Variants in SPART observed in about 807,000 individuals in gnomAD.
SPART encodes the protein spastic paraplegia 20 (Troyer syndrome).
A neutral mutation model predicts 58.7 loss-of-function variants in SPART; 35 were observed. The observed-to-expected ratio is 0.60, with a 90% CI of 0.46 to 0.79. The LOEUF is 0.79. Among genes scored for constraint, SPART ranks in the 30% least tolerant of loss-of-function variants. SPART has a pLI of 0.00. For missense variants in SPART, 730 were observed against 786.1 expected (o/e 0.93, Z 0.85); for synonymous variants, 284 against 280.7 (o/e 1.01, Z -0.12).
chr13:36,319,026 G>C (rs1326589422), intron 5 of SPART, among the ~76,000 whole-genome samples: 1 of 151,960 alleles, frequency 6.6e-6, no homozygotes, highest in Non-Finnish European at 1.5e-5. Flanking sequence ...CAATACGGAG[G>C]CTACCCACTC....
At chr13:36,317,384 A>G (rs1248467198) in intron 5 of SPART, among the ~76,000 whole-genome samples, 1 of 151,686 alleles carries the variant, frequency 6.6e-6, no homozygotes, top group Non-Finnish European at 1.5e-5. Context: ...CAAGTACCCC[A>G]ACCTCGTATC....
chr13:36,369,154 T>G (rs913276940), intron 1 of SPART, among the ~76,000 whole-genome samples: 1 of 152,210 alleles, frequency 6.6e-6, no homozygotes, highest in Non-Finnish European at 1.5e-5. Flanking sequence ...TTTCACTTTT[T>G]ATAAAACTTT....
chr13:36,312,172 G>C lies in SPART; in HGVS notation c.1706C>G (p.Ala569Gly). The change falls in exon 8 of 9, where the codon GCA becomes GGA. Residue 569 changes from alanine (A) to glycine (G), a missense_variant. By Grantham distance (60) the Ala-to-Gly change is moderately conservative. Transcript: ENST00000438666. ...AAKCIVNNVS[A>G]ETVQTVRYKY... ...GTATCTGACAGTTTGTACAGTTTCTGCTGAAACATTGTTAACGATGCATTT... is the reference window on the plus strand; with the variant it reads ...GTATCTGACAGTTTGTACAGTTTCTCCTGAAACATTGTTAACGATGCATTT... 1 of 1,613,960 alleles carries C rather than the reference G, an allele frequency of 6.2e-7. No individual in the cohort carries two copies. The highest frequency in any genetic ancestry group is 8.5e-7 in the Non-Finnish European group (1 of 1,179,836).
Position 36,302,155 on chromosome 13 carries a change from T to C in SPART, c.*2210A>G, listed in dbSNP as rs1880048111. On this transcript the variant is annotated 3_prime_UTR_variant, in exon 9 of 9. Coordinates refer to ENST00000438666, the MANE Select transcript of SPART (RefSeq NM_015087.5). Reference sequence around the variant, plus strand: ...ATAGGAAGAACATACATATAGGTAATTGGCAGCTTTCCATGTCTTTAGGTG... The same window carrying C: ...ATAGGAAGAACATACATATAGGTAACTGGCAGCTTTCCATGTCTTTAGGTG... 6.6e-6 allele frequency: 1 copy of C among 152,150 alleles called. No homozygotes were observed. The highest frequency in any genetic ancestry group is 1.5e-5 in the Non-Finnish European group (1 of 68,026). 9.4% of individuals were successfully genotyped at this position (152,150 alleles called of 1,614,324 possible).
chr13:36,331,354 G>A, intron 3 of SPART, 45 bp downstream of exon 3: 1 of 1,548,204 alleles, frequency 6.5e-7, no homozygotes, highest in Non-Finnish European at 8.9e-7. Context: ...AAGTGCTTAT[G>A]TTAAAGTAGA....
intron 6 of SPART, chr13:36,313,916 A>G (rs1047116124): frequency 2.9e-5 from 11 of 381,880 alleles, no homozygotes; most frequent in Non-Finnish European, 4.3e-5. Context: ...CCAACACATC[A>G]GAACAACCCT....
intron 1 of SPART, among the ~76,000 whole-genome samples, chr13:36,359,458 C>G (rs906426115): frequency 1.3e-5 from 2 of 152,164 alleles, no homozygotes; most frequent in Non-Finnish European, 2.9e-5. Flanking sequence ...ATGGCCTCTT[C>G]AGGTTAGCTG....
At chr13:36,336,949 G>GA (rs1191410098) in intron 1 of SPART, among the ~76,000 whole-genome samples, 1 of 152,132 alleles carries the variant, frequency 6.6e-6, no homozygotes, top group African/African-American at 2.4e-5. Context: ...AATTAAATGG[G>GA]AAAAACTGGT....
intron 2 of SPART, among the ~76,000 whole-genome samples, chr13:36,333,990 G>A (rs1393176601): frequency 6.6e-6 from 1 of 152,100 alleles, no homozygotes; most frequent in African/African-American, 2.4e-5. Flanking sequence ...CTTTCAAGTT[G>A]ACTTCATATA....
chr13:36,312,427 G>A lies in SPART; in HGVS notation c.1534C>T (p.His512Tyr), dbSNP rs767206599. 1 of 1,613,948 alleles carries A rather than the reference G, an allele frequency of 6.2e-7. No homozygotes were observed. Among genetic ancestry groups the A allele is most frequent in the African/African-American group, 1.3e-5 (1 of 74,886 alleles). Reference protein sequence around the residue: ...ANCVGKELAPHVKKHGSKLVP... With the variant: ...ANCVGKELAPYVKKHGSKLVP... ...AGTTTGCTTCCATGCTTCTTGACAT[G>A]TGGAGCTAGTTCTTTTCCAACGCAA... is the stretch of plus-strand genomic sequence containing the variant. Residue 512 changes from histidine (H) to tyrosine (Y), a missense_variant, in exon 7 of 9, where the codon CAT becomes TAT. Physicochemically the swap from His to Tyr is moderately conservative, Grantham distance 83. Transcript: ENST00000438666.
At chr13:36,343,997 C>T (rs1362421654) in intron 1 of SPART, among the ~76,000 whole-genome samples, 17 of 150,076 alleles carry the variant, frequency 1.1e-4, no homozygotes, top group Non-Finnish European at 2.4e-4. Flanking sequence ...CCACTGCACT[C>T]CAACCAGCCT....
chr13:36,351,700 T>A (rs1269882208), intron 1 of SPART, among the ~76,000 whole-genome samples: 1 of 152,214 alleles, frequency 6.6e-6, no homozygotes, highest in Non-Finnish European at 1.5e-5. Context: ...CCTGGGTGAT[T>A]ATGCTAAAGA....
chr13:36,345,243 G>A (rs1884971362), intron 1 of SPART, among the ~76,000 whole-genome samples: 1 of 152,098 alleles, frequency 6.6e-6, no homozygotes, highest in Admixed American at 6.5e-5. Context: ...CATAGACAAC[G>A]ACGTTTCAGA....
intron 1 of SPART, among the ~76,000 whole-genome samples, chr13:36,361,422 G>A (rs920776501): frequency 6.6e-6 from 1 of 151,974 alleles, no homozygotes; most frequent in Non-Finnish European, 1.5e-5. Flanking sequence ...TGTTGTTTTT[G>A]AGACAGAGTT....
Position 36,334,983 on chromosome 13 carries a change from C to T in SPART, c.810+38G>A, listed in dbSNP as rs757327086. ...ACAAATAAAAATGATGTAGTCTACA[C>T]GTATTTCAAATTATGCTTTCATTTT... is the stretch of plus-strand genomic sequence containing the variant. On this transcript the variant is annotated intron_variant, in intron 2 of 8. Transcript: ENST00000438666. 5.5e-5 allele frequency: 83 copies of T among 1,509,496 alleles called. No homozygotes were observed. The Middle Eastern group carries it at 6.8e-4, about 12-fold the overall frequency. 93.5% of individuals were successfully genotyped at this position (1,509,496 alleles called of 1,614,324 possible). A position where few individuals can be genotyped will look rare whatever the true frequency, so the allele number is the denominator to read the frequency against.
chr13:36,321,484 G>A (rs1288122379), intron 5 of SPART, among the ~76,000 whole-genome samples: 3 of 151,920 alleles, frequency 2.0e-5, no homozygotes, highest in African/African-American at 4.8e-5. Flanking sequence ...ATCCAAAACC[G>A]TATCTAGGCC....
chr13:36,321,987 C>T lies in SPART; in HGVS notation c.1288+4588G>A, dbSNP rs962536951. Reference sequence around the variant, plus strand: ...AAAAGCACCCCCACTGAGCACCTTGCGACCCCCACTCCTGCCCGCCAGAGA... The same window carrying T: ...AAAAGCACCCCCACTGAGCACCTTGTGACCCCCACTCCTGCCCGCCAGAGA... On this transcript the variant is annotated intron_variant, in intron 5 of 8. Coordinates refer to ENST00000438666, the MANE Select transcript of SPART (RefSeq NM_015087.5). Among the ~76,000 whole-genome samples, 420 of 151,836 alleles carry T rather than the reference C, an allele frequency of 2.8e-3. 3 individuals are homozygous for T. Among genetic ancestry groups the T allele is most frequent in the African/African-American group, 9.3e-3 (385 of 41,314 alleles).
intron 1 of SPART, chr13:36,360,809 G>A (rs536668641): frequency 4.6e-5 from 7 of 152,592 alleles, no homozygotes; most frequent in African/African-American, 1.7e-4. Context: ...TATTTATATT[G>A]CTATGTTAGA....
chr13:36,320,639 A>G (rs983228794), intron 5 of SPART, among the ~76,000 whole-genome samples: 5 of 152,166 alleles, frequency 3.3e-5, no homozygotes, highest in Non-Finnish European at 7.3e-5. Flanking sequence ...ATCAAGCTCG[A>G]GGATTTGCTC....
Sources: gnomAD v4.1 joint callset for allele counts (sites outside exome capture counted in the v4.1 genomes callset) on GRCh38, gnomAD v4.1.1 for gene constraint, MANE v1.5 for transcripts, NCBI Gene and HGNC (gene_info 2026-07-23, HGNC 2026-07-21) for gene names.